Variants in BEND7 observed in about 807,000 individuals in gnomAD.
BEND7 encodes BEN domain containing 7, also known as BEN domain-containing protein 7.
A neutral mutation model predicts 50.9 loss-of-function variants in BEND7; 28 were observed. That is an observed-to-expected ratio of 0.55 (90% CI 0.41 to 0.75). BEND7 has a LOEUF of 0.75. Ranked by LOEUF, BEND7 falls within the 30% of genes least tolerant of loss-of-function variation. The pLI is 0.00. For synonymous variants in BEND7, 170 were observed against 183.9 expected (o/e 0.92, Z 0.61); for missense variants, 477 against 491.3 (o/e 0.97, Z 0.28).
chr10:13,486,603 C>T (rs1309609341), intron 5 of BEND7, among the ~76,000 whole-genome samples: 3 of 152,188 alleles, frequency 2.0e-5, no homozygotes, highest in South Asian at 2.1e-4. Flanking sequence ...GCAATTTACA[C>T]GATAGCCTAT....
At chr10:13,529,425 AACTT>A (rs1368230374), upstream of BEND7, among the ~76,000 whole-genome samples, 1 of 152,044 alleles carries the variant, frequency 6.6e-6, no homozygotes, top group Non-Finnish European at 1.5e-5. Flanking sequence ...AGGGGGAAAA[AACTT>A]ACCCATTTGC....
At chr10:13,473,593 G>A (rs112704349) in intron 6 of BEND7, among the ~76,000 whole-genome samples, 7 of 140,692 alleles carry the variant, frequency 5.0e-5, no homozygotes, top group South Asian at 2.3e-4. Context: ...TGTTAGACTC[G>A]GGGCCAATAC....
intron 4 of BEND7, 99 bp downstream of exon 4, chr10:13,496,667 A>T (rs985219847): frequency 2.2e-6 from 3 of 1,365,194 alleles, no homozygotes; most frequent in Non-Finnish European, 2.0e-6. Flanking sequence ...CAGCAAGGTG[A>T]GAAGAAGGCT....
chr10:13,503,622 G>C (rs1237915277), intron 2 of BEND7, among the ~76,000 whole-genome samples: 2 of 152,244 alleles, frequency 1.3e-5, no homozygotes, highest in Non-Finnish European at 1.5e-5. Context: ...TGAGGCAGGA[G>C]AATCACTTGA....
chr10:13,517,665 G>A (rs905334304), intron 2 of BEND7, among the ~76,000 whole-genome samples: 40 of 152,216 alleles, frequency 2.6e-4, no homozygotes, highest in African/African-American at 9.6e-4. Context: ...AGTACCTTGA[G>A]CCCAGGAGTT....
At chr10:13,444,588 G>A (rs1427273715) in intron 8 of BEND7, 1 of 151,922 alleles carries the variant, frequency 6.6e-6, no homozygotes, top group African/African-American at 2.4e-5. Flanking sequence ...TCGATCCTGT[G>A]GTTCTGACCA....
chr10:13,451,344 T>C (rs940595855), intron 7 of BEND7, among the ~76,000 whole-genome samples: 3 of 151,662 alleles, frequency 2.0e-5, no homozygotes, highest in Non-Finnish European at 4.4e-5. Context: ...GCGTGCCATC[T>C]TGCTTGGCTA....
At chr10:13,482,085 C>T (rs1173859101) in intron 5 of BEND7, among the ~76,000 whole-genome samples, 4 of 152,202 alleles carry the variant, frequency 2.6e-5, no homozygotes. Context: ...ATTTAGCAGA[C>T]ATATGATTCT....
chr10:13,493,741 A>G (rs1408185224), intron 4 of BEND7, among the ~76,000 whole-genome samples: 1 of 152,202 alleles, frequency 6.6e-6, no homozygotes, highest in Admixed American at 6.5e-5. Context: ...TTTGCTAGCC[A>G]TTTAAAAATA....
chr10:13,493,268 G>C (rs1267518198), intron 4 of BEND7, among the ~76,000 whole-genome samples: 2 of 152,138 alleles, frequency 1.3e-5, no homozygotes, highest in Non-Finnish European at 2.9e-5. Flanking sequence ...TTGTAATCCT[G>C]TTTCAGGATT....
intron 5 of BEND7, among the ~76,000 whole-genome samples, chr10:13,482,811 G>C (rs1182332847): frequency 6.6e-6 from 1 of 152,190 alleles, no homozygotes; most frequent in Non-Finnish European, 1.5e-5. Flanking sequence ...GGTTGTCTGA[G>C]CTGGAGGCTG....
chr10:13,515,835 G>A (rs2078629349), intron 2 of BEND7, among the ~76,000 whole-genome samples: 2 of 152,184 alleles, frequency 1.3e-5, no homozygotes, highest in African/African-American at 4.8e-5. Context: ...CCACAACCCT[G>A]GCCTGCCAAG....
At chr10:13,522,901 C>A (rs146619275) in intron 2 of BEND7, among the ~76,000 whole-genome samples, 1 of 152,338 alleles carries the variant, frequency 6.6e-6, no homozygotes, top group East Asian at 1.9e-4. Context: ...GTAACTCATA[C>A]AGACATGCTG....
At position 13,526,179 on chromosome 10, in the gene BEND7, T is replaced by C. The variant is rs1328830899; in HGVS notation, c.104A>G (p.Asp35Gly). The C allele has an allele frequency of 7.8e-7, 1 of 1,289,688 alleles. No individual in the cohort carries two copies. Among genetic ancestry groups the C allele is most frequent in the South Asian group, 1.2e-5 (1 of 80,982 alleles). The allele number at this position is 1,289,688 out of a possible 1,614,324, so 79.9% of individuals were successfully genotyped here. A position where few individuals can be genotyped will look rare whatever the true frequency, so the allele number is the denominator to read the frequency against. Reference sequence around the variant, plus strand: ...TGTCTCTTTGGCCTCCCCATTAACATCGTTGCTGAATTCTGGGATCTTATA... The same window carrying C: ...TGTCTCTTTGGCCTCCCCATTAACACCGTTGCTGAATTCTGGGATCTTATA... Reference protein sequence around the residue: ...EVYKIPEFSNDVNGEAKETQP... With the variant: ...EVYKIPEFSNGVNGEAKETQP... Residue 35 changes from aspartate to glycine, a missense_variant, in exon 2 of 9, where the codon GAT becomes GGT. By Grantham distance (94) the Asp-to-Gly change is moderately conservative. This residue lies in a region of BEND7 where 396 missense variants were observed against 384.2 expected (regional missense o/e 1.03). Coordinates refer to ENST00000466271, the MANE Select transcript of BEND7 (RefSeq NM_001369863.1).
intron 6 of BEND7, among the ~76,000 whole-genome samples, chr10:13,457,084 C>T (rs1461101891): frequency 2.0e-5 from 3 of 152,154 alleles, no homozygotes; most frequent in Non-Finnish European, 2.9e-5. Flanking sequence ...GTACACATCT[C>T]CCCCCTTGTA....
Position 13,499,777 on chromosome 10 carries a change from C to A in BEND7, c.448+1G>T. ...TTCTGAATGTTTGTTGACAACCATA[C>A]CATTGGAGCTCGTGGTAGGGTGGGG... On this transcript the variant is annotated splice_donor_variant, in intron 3 of 8. Coordinates refer to ENST00000466271, the MANE Select transcript of BEND7 (RefSeq NM_001369863.1). LOFTEE classifies it high-confidence loss of function. 6.2e-7 allele frequency: 1 copy of A among 1,600,802 alleles called. No individual in the cohort carries two copies. Among genetic ancestry groups the A allele is most frequent in the Non-Finnish European group, 8.5e-7 (1 of 1,170,572 alleles).
downstream of BEND7, chr10:13,439,423 G>A (rs903783211): frequency 3.7e-6 from 6 of 1,614,020 alleles, no homozygotes; most frequent in Admixed American, 5.0e-5. Flanking sequence ...GACATTGTCT[G>A]AGGTGAGCTC....
rs994209369 is a variant in BEND7, at chr10:13,498,075, T to C, written c.449-1187A>G. Among the ~76,000 whole-genome samples, 14 of 91,046 alleles carry C rather than the reference T, an allele frequency of 1.5e-4. No individual in the cohort carries two copies. The East Asian group carries it at 1.6e-3, about 10-fold the overall frequency. 59.7% of individuals were successfully genotyped at this position (91,046 alleles called of 152,430 possible). A position where few individuals can be genotyped will look rare whatever the true frequency, so the allele number is the denominator to read the frequency against. On this transcript the variant is annotated intron_variant, in intron 3 of 8. Transcript: ENST00000466271. ...ATATGTAATATATTTCTTTTTCTTT[T>C]TTTTTTTTTTTTTTTTTTGAGACAG... is the stretch of plus-strand genomic sequence containing the variant.
At chr10:13,485,426 A>T (rs1032982791) in intron 5 of BEND7, among the ~76,000 whole-genome samples, 1 of 152,192 alleles carries the variant, frequency 6.6e-6, no homozygotes, top group Non-Finnish European at 1.5e-5. Context: ...GCACGTGCAC[A>T]GGGCTGTTTG....
Sources: gnomAD v4.1 joint callset for allele counts (sites outside exome capture counted in the v4.1 genomes callset) on GRCh38, gnomAD v4.1.1 for gene constraint, gnomAD v4.1.1 regional missense constraint, MANE v1.5 for transcripts, NCBI Gene and HGNC (gene_info 2026-07-23, HGNC 2026-07-21) for gene names.